The following SLC9A6 variants were observed in gnomAD, a reference collection of about 807,000 sequenced individuals.
SLC9A6 encodes sodium/hydrogen exchanger 6.
A neutral mutation model predicts 45.3 loss-of-function variants in SLC9A6; 6 were observed. The ratio of observed to expected loss-of-function variants is 0.13; its 90% confidence interval spans 0.07 to 0.26. The LOEUF is 0.26. Ranked by LOEUF, SLC9A6 falls within the 10% of genes least tolerant of loss-of-function variation. The pLI, the probability that SLC9A6 is intolerant of heterozygous loss-of-function variation, is 1.00. For synonymous variants in SLC9A6, 191 were observed against 187.7 expected, an observed-to-expected ratio of 1.02 and a Z score of -0.14; for missense variants, 278 against 503.7, an observed-to-expected ratio of 0.55 and a Z score of 4.29.
At chrX:136,005,905 T>A (rs2089649821) in intron 7 of SLC9A6, among the ~76,000 whole-genome samples, 1 of 111,554 alleles carries the variant, frequency 9.0e-6, no homozygotes, top group South Asian at 3.7e-4. Flanking sequence ...CTCAGTGGGA[T>A]TCTGGTGGAG....
upstream of SLC9A6, chrX:135,985,407 C>A: frequency 1.7e-6 from 1 of 587,562 alleles, no homozygotes; most frequent in Non-Finnish European, 2.3e-6. Context: ...GCTCCGACGG[C>A]TACCCCCGGG....
Position 135,991,573 on chromosome X carries a change from T to C in SLC9A6, c.170-3213T>C, listed in dbSNP as rs945909673. 2.1e-4 allele frequency among the ~76,000 whole-genome samples: 23 copies of C among 110,932 alleles called. 1 individual carries two copies. Among genetic ancestry groups the C allele is most frequent in the Non-Finnish European group, 3.8e-5 (2 of 52,972 alleles). On this transcript the variant is annotated intron_variant, in intron 2 of 17. Transcript: ENST00000630721. ...GCCCGGCTGGCAACGACTGCTCTTA[T>C]ACCTCCTCATTTCTGCTTCATCACT...
At chrX:136,034,256 G>T (rs1184023330) in intron 16 of SLC9A6, among the ~76,000 whole-genome samples, 3 of 110,554 alleles carry the variant, frequency 2.7e-5, no homozygotes, top group Non-Finnish European at 5.7e-5. Context: ...TCTCACAGGA[G>T]CCCGAACCCT....
At chrX:135,997,188 C>T (rs185036373) in intron 3 of SLC9A6, among the ~76,000 whole-genome samples, 7 of 110,255 alleles carry the variant, frequency 6.3e-5, no homozygotes, top group South Asian at 3.8e-4. Context: ...TCCCAAGTAG[C>T]GGGGATTACA....
intron 6 of SLC9A6, among the ~76,000 whole-genome samples, chrX:136,001,773 A>T (rs184855480): frequency 8.0e-5 from 9 of 112,278 alleles, no homozygotes; most frequent in Admixed American, 5.7e-4. Flanking sequence ...TAATGACTAC[A>T]TGGTCTATAA....
rs1359830590 is a variant in SLC9A6 at position 136,007,024 on chromosome X, G to C, written c.744-3418G>C. Among the ~76,000 whole-genome samples, 3 of 110,782 alleles carry C rather than the reference G, an allele frequency of 2.7e-5. No individual in the cohort carries two copies. The Admixed American group carries it at 2.9e-4, about 11-fold the overall frequency. On this transcript the variant is annotated intron_variant, in intron 7 of 17. Coordinates refer to ENST00000630721, the MANE Select transcript of SLC9A6 (RefSeq NM_001379110.1). ...TGGGATTACAGGTGCACACCACCAT[G>C]CCCAGCTAATTTTTGTATTTTTAGT... is the stretch of plus-strand genomic sequence containing the variant.
At chrX:136,005,364 T>G (rs192708749) in intron 7 of SLC9A6, among the ~76,000 whole-genome samples, 86 of 112,208 alleles carry the variant, frequency 7.7e-4, no homozygotes, top group African/African-American at 2.5e-3. Context: ...TACATACCAG[T>G]GTTGGTGAAG....
chrX:136,002,633 C>T (rs1228099715), intron 7 of SLC9A6, among the ~76,000 whole-genome samples: 1 of 109,409 alleles, frequency 9.1e-6, no homozygotes, highest in East Asian at 2.8e-4. Flanking sequence ...GTGATCTCGG[C>T]TCAGTGCAAC....
At position 136,002,103 on chromosome X, in the gene SLC9A6, A is replaced by G. The variant is rs1057520615; in HGVS notation, c.638-5A>G. The G allele has an allele frequency of 2.9e-5, 34 of 1,155,445 alleles. No homozygotes were observed. The highest frequency in any genetic ancestry group is 4.0e-5 in the Non-Finnish European group (34 of 845,512). ...AGTATTCCTCTGACTCTTTTTACTT[A>G]CTAGTGACTGTTCTTGCTATATTCC... On this transcript the variant is annotated splice_polypyrimidine_tract_variant and splice_region_variant and intron_variant, in intron 6 of 17. Coordinates refer to ENST00000630721, the MANE Select transcript of SLC9A6 (RefSeq NM_001379110.1).
At chrX:135,993,718 G>T (rs1556616072) in intron 2 of SLC9A6, among the ~76,000 whole-genome samples, 1 of 110,479 alleles carries the variant, frequency 9.1e-6, no homozygotes, top group Non-Finnish European at 1.9e-5. Flanking sequence ...TTGGACCCGG[G>T]AGGCGGAGGT....
At chrX:136,031,028 TTGAGTGA>T (rs782786364) in intron 15 of SLC9A6, among the ~76,000 whole-genome samples, 177 of 112,025 alleles carry the variant, frequency 1.6e-3, no homozygotes, top group Non-Finnish European at 3.0e-3. Flanking sequence ...TTGTTAGCTG[TTGAGTGA>T]TGAGTGTGAA....
At chrX:135,980,738 G>T (rs972674413), upstream of SLC9A6, among the ~76,000 whole-genome samples, 1 of 110,267 alleles carries the variant, frequency 9.1e-6, no homozygotes, top group Non-Finnish European at 1.9e-5. Context: ...TTAAATTTTT[G>T]TAGAGATGAG....
rs1194066499 is a variant in SLC9A6 at position 136,022,669 on chromosome X, A to C, written c.1278A>C (p.Ser426=). 3.4e-6 allele frequency: 4 copies of C among 1,187,700 alleles called. No homozygotes were observed. The highest frequency in any genetic ancestry group is 4.6e-6 in the Non-Finnish European group (4 of 877,736). ...LNLGRRSKIG[S]NFQHMMMFAG... ...TGGGTAGAAGAAGTAAGATTGGATCAAATTTTCAACACATGATGATGTTTG... is the reference window on the plus strand; with the variant it reads ...TGGGTAGAAGAAGTAAGATTGGATCCAATTTTCAACACATGATGATGTTTG... Residue 426 remains serine (S), a synonymous_variant, in exon 12 of 18, where the codon TCA becomes TCC. Coordinates refer to ENST00000630721, the MANE Select transcript of SLC9A6 (RefSeq NM_001379110.1).
At chrX:136,010,207 G>A in intron 7 of SLC9A6, 3 of 394,201 alleles carry the variant, frequency 7.6e-6, no homozygotes, top group South Asian at 7.1e-5. Flanking sequence ...TTCATATAGA[G>A]GATTTTACAA....
chrX:136,037,101 T>C (rs1556621898), intron 16 of SLC9A6, among the ~76,000 whole-genome samples: 1 of 112,804 alleles, frequency 8.9e-6, no homozygotes, highest in African/African-American at 3.2e-5. Context: ...ACACCCTTTT[T>C]ATTACTGTAC....
chrX:136,022,264 A>G (rs1556619995), intron 11 of SLC9A6, among the ~76,000 whole-genome samples: 1 of 112,338 alleles, frequency 8.9e-6, no homozygotes, highest in Non-Finnish European at 1.9e-5. Context: ...AATTTCCTGC[A>G]TGTTACACTT....
chrX:136,037,800 G>C (rs1227819774), intron 16 of SLC9A6, among the ~76,000 whole-genome samples: 1 of 111,665 alleles, frequency 9.0e-6, no homozygotes, highest in Non-Finnish European at 1.9e-5. Context: ...TCGATCTCCT[G>C]ACCTTGTGAT....
intron 15 of SLC9A6, chrX:136,030,471 A>G (rs1011984302): frequency 3.4e-5 from 10 of 294,945 alleles, no homozygotes; most frequent in Non-Finnish European, 6.0e-5. Context: ...CTCCTCTGGC[A>G]CGGGGAGGCT....
intron 2 of SLC9A6, among the ~76,000 whole-genome samples, chrX:135,988,456 TTTTCTTTCTTTCTTTCTTTTCTTTC>T (rs1307436737): frequency 1.7e-4 from 18 of 107,382 alleles, no homozygotes; most frequent in Admixed American, 3.0e-4. Context: ...TTTCTCTCTC[TTTTCTTTCTTTCTTTCTTTTCTTTC>T]TTTCTTTCTT....
Sources: gnomAD v4.1 joint callset for allele counts (sites outside exome capture counted in the v4.1 genomes callset) on GRCh38, gnomAD v4.1.1 for gene constraint, MANE v1.5 for transcripts, NCBI Gene and HGNC (gene_info 2026-07-23, HGNC 2026-07-21) for gene names.